Variants in CLSTN2 observed in about 807,000 individuals in gnomAD.
CLSTN2 encodes calsyntenin 2.
In CLSTN2, 48 loss-of-function variants were observed where a neutral mutation model predicts 101.2. The observed-to-expected ratio is 0.47, with a 90% CI of 0.38 to 0.60. The LOEUF (loss-of-function observed/expected upper bound fraction) is 0.60, where lower values mean the gene tolerates loss of function less well. Among genes scored for constraint, CLSTN2 ranks in the 20% least tolerant of loss-of-function variants. The pLI is 0.00. For missense variants in CLSTN2, 1,160 were observed against 1,238.2 expected, an observed-to-expected ratio of 0.94 and a Z score of 0.95; for synonymous variants, 481 against 463.6, an observed-to-expected ratio of 1.04 and a Z score of -0.48.
chr3:140,504,414 C>T (rs1245528676), intron 8 of CLSTN2, among the ~76,000 whole-genome samples: 1 of 151,576 alleles, frequency 6.6e-6, no homozygotes, highest in African/African-American at 2.4e-5. Flanking sequence ...CTTTTTCTGT[C>T]ATAGTGAGTA....
At chr3:140,246,434 A>G (rs1165478706) in intron 2 of CLSTN2, among the ~76,000 whole-genome samples, 1 of 152,140 alleles carries the variant, frequency 6.6e-6, no homozygotes, top group Non-Finnish European at 1.5e-5. Context: ...TGTTTGAGCC[A>G]GGTGAAGGAA....
intron 6 of CLSTN2, chr3:140,449,642 G>A (rs1236967924): frequency 2.0e-5 from 3 of 152,186 alleles, no homozygotes; most frequent in South Asian, 4.1e-4. Context: ...GGTGCTGGAG[G>A]GAGTATCATT....
At chr3:140,239,900 TACAC>T (rs1356074017) in intron 2 of CLSTN2, among the ~76,000 whole-genome samples, 14 of 136,268 alleles carry the variant, frequency 1.0e-4, no homozygotes, top group Admixed American at 3.2e-4. Context: ...TGTGTATACA[TACAC>T]ACAAACACTC....
intron 2 of CLSTN2, among the ~76,000 whole-genome samples, chr3:140,340,314 T>C (rs2087480224): frequency 6.6e-6 from 1 of 152,224 alleles, no homozygotes; most frequent in African/African-American, 2.4e-5. Context: ...TAGTAATGTA[T>C]GCCGGCCAGC....
At chr3:140,562,730 C>G (rs567117372) in intron 13 of CLSTN2, 81 bp from the exon 14 acceptor site, 2 of 1,455,758 alleles carry the variant, frequency 1.4e-6, no homozygotes, top group South Asian at 2.5e-5. Flanking sequence ...AGGTCTTGTA[C>G]CACAAGCCCT....
At chr3:139,948,696 G>A (rs1014575779) in intron 1 of CLSTN2, among the ~76,000 whole-genome samples, 1 of 152,028 alleles carries the variant, frequency 6.6e-6, no homozygotes, top group Admixed American at 6.5e-5. Context: ...CCACTAGCTT[G>A]TGGACTGATC....
chr3:140,449,119 G>A (rs1933174407), intron 6 of CLSTN2, among the ~76,000 whole-genome samples: 1 of 152,202 alleles, frequency 6.6e-6, no homozygotes, highest in South Asian at 2.1e-4. Context: ...CCTGGAAAGG[G>A]ATTGGTCTCC....
At chr3:140,477,518 G>A (rs539180785) in intron 8 of CLSTN2, among the ~76,000 whole-genome samples, 10 of 152,270 alleles carry the variant, frequency 6.6e-5, no homozygotes, top group Admixed American at 2.0e-4. Flanking sequence ...TTTTTGAGAG[G>A]CTATAGTGTT....
intron 6 of CLSTN2, chr3:140,454,558 A>G (rs1242894131): frequency 2.0e-5 from 3 of 152,232 alleles, no homozygotes; most frequent in East Asian, 3.8e-4. Context: ...AATCACTGAT[A>G]TAGATTATCA....
rs184032549 is a variant in CLSTN2, at chr3:140,396,689, A to G, written c.233-6940A>G. ...GGGCCAGATTTGGATAGAGATGTGGAAATAATTTCCCCAGCCCCCCAACAA... is the reference window on the plus strand; with the variant it reads ...GGGCCAGATTTGGATAGAGATGTGGGAATAATTTCCCCAGCCCCCCAACAA... On this transcript the variant is annotated intron_variant, in intron 2 of 16. Coordinates refer to ENST00000458420, the MANE Select transcript of CLSTN2 (RefSeq NM_022131.3). Among the ~76,000 whole-genome samples the G allele has an allele frequency of 2.6e-5, 4 of 152,316 alleles. No individual in the cohort carries two copies. In the East Asian group the frequency reaches 7.7e-4, roughly 29 times the overall value.
At chr3:140,333,464 C>T (rs1266782119) in intron 2 of CLSTN2, among the ~76,000 whole-genome samples, 4 of 152,082 alleles carry the variant, frequency 2.6e-5, no homozygotes, top group African/African-American at 9.7e-5. Flanking sequence ...GAAAATAAAG[C>T]CCAAGGCCTT....
chr3:140,341,402 A>C (rs892203374), intron 2 of CLSTN2, among the ~76,000 whole-genome samples: 13 of 152,152 alleles, frequency 8.5e-5, no homozygotes, highest in African/African-American at 2.9e-4. Context: ...CAGAGGGTGT[A>C]TCCGGCAGAG....
intron 1 of CLSTN2, among the ~76,000 whole-genome samples, chr3:140,123,852 A>G (rs111441116): frequency 3.2e-3 from 40 of 12,682 alleles, no homozygotes; most frequent in African/African-American, 0.012. Flanking sequence ...GTGTGTGTGT[A>G]TATATATATA....
chr3:139,959,568 G>A (rs558378996), intron 1 of CLSTN2, among the ~76,000 whole-genome samples: 6 of 152,168 alleles, frequency 3.9e-5, no homozygotes, highest in East Asian at 3.9e-4. Flanking sequence ...TGACAGTGAC[G>A]CTATCCCCAT....
At chr3:140,258,802 A>G (rs949761591) in intron 2 of CLSTN2, among the ~76,000 whole-genome samples, 1 of 152,190 alleles carries the variant, frequency 6.6e-6, no homozygotes, top group African/African-American at 2.4e-5. Flanking sequence ...ATTATCAGAC[A>G]CTTGCCATAT....
At chr3:140,304,758 T>C (rs917031575) in intron 2 of CLSTN2, among the ~76,000 whole-genome samples, 1 of 152,098 alleles carries the variant, frequency 6.6e-6, no homozygotes, top group Non-Finnish European at 1.5e-5. Context: ...GGGTTAGTGG[T>C]GTGTAGTGGA....
intron 2 of CLSTN2, among the ~76,000 whole-genome samples, chr3:140,282,155 ATGT>A (rs940670156): frequency 2.0e-5 from 3 of 152,082 alleles, no homozygotes; most frequent in Non-Finnish European, 4.4e-5. Flanking sequence ...TGCTTACATG[ATGT>A]TCTGCTCAGT....
At chr3:140,453,198 C>T (rs1933292356) in intron 6 of CLSTN2, 1 of 152,182 alleles carries the variant, frequency 6.6e-6, no homozygotes, top group Non-Finnish European at 1.5e-5. Context: ...GACCACAGGG[C>T]TCCTGGCTGC....
intron 1 of CLSTN2, among the ~76,000 whole-genome samples, chr3:140,138,408 C>A (rs764717033): frequency 6.6e-6 from 1 of 152,150 alleles, no homozygotes; most frequent in Non-Finnish European, 1.5e-5. Flanking sequence ...ATCCAGCCAC[C>A]AGGCCAGTGC....
Sources: allele counts gnomAD v4.1 joint callset (sites outside exome capture counted in the v4.1 genomes callset), GRCh38; gene constraint gnomAD v4.1.1; transcripts MANE v1.5; gene names NCBI Gene and HGNC (gene_info 2026-07-23, HGNC 2026-07-21).